Variants in CFDP1 observed in about 807,000 individuals in gnomAD.
CFDP1 encodes chromatin remodeling protein CFDP1, also known as heterochromatin-stabilizing protein CFDP1.
A neutral mutation model predicts 40.1 loss-of-function variants in CFDP1; 31 were observed. The observed-to-expected ratio is 0.77, with a 90% CI of 0.58 to 1.04. CFDP1 has a LOEUF of 1.04. CFDP1 is among the 50% of genes least tolerant of loss of function. The pLI, the probability that CFDP1 is intolerant of heterozygous loss-of-function variation, is 0.00. For synonymous variants in CFDP1, 167 were observed against 120.0 expected, an observed-to-expected ratio of 1.39 and a Z score of -2.56; for missense variants, 423 against 343.4, an observed-to-expected ratio of 1.23 and a Z score of -1.83.
intron 5 of CFDP1, among the ~76,000 whole-genome samples, chr16:75,333,288 T>A (rs529727171): frequency 3.4e-4 from 51 of 152,018 alleles, no homozygotes; most frequent in Non-Finnish European, 6.8e-4. Flanking sequence ...CACGCCTGGC[T>A]AATTTTTTGT....
At chr16:75,323,345 A>C (rs1369002444) in intron 5 of CFDP1, among the ~76,000 whole-genome samples, 2 of 151,982 alleles carry the variant, frequency 1.3e-5, no homozygotes, top group Non-Finnish European at 2.9e-5. Flanking sequence ...CTTCAAGAGC[A>C]ACGTGTCTGG....
At chr16:75,419,135 A>G (rs1368991656) in intron 1 of CFDP1, 1 of 357,862 alleles carries the variant, frequency 2.8e-6, no homozygotes, top group Non-Finnish European at 5.8e-6. Flanking sequence ...AAAAAGATCA[A>G]ATTAAAAGGA....
intron 5 of CFDP1, among the ~76,000 whole-genome samples, chr16:75,390,057 G>T (rs1425089108): frequency 6.6e-6 from 1 of 152,202 alleles, no homozygotes. Flanking sequence ...CTTGTAATGT[G>T]TTATGTTCCA....
intron 5 of CFDP1, among the ~76,000 whole-genome samples, chr16:75,349,677 A>AT (rs1367756941): frequency 3.6e-4 from 27 of 74,920 alleles, no homozygotes; most frequent in African/African-American, 7.2e-4. Flanking sequence ...AAAAAAAAAA[A>AT]AAAAAAAAAA....
chr16:75,301,437 T>C (rs1419552048), intron 6 of CFDP1, among the ~76,000 whole-genome samples: 1 of 151,080 alleles, frequency 6.6e-6, no homozygotes, highest in Non-Finnish European at 1.5e-5. Context: ...CCCAAAAACC[T>C]GCAGCCTACT....
At chr16:75,296,954 C>G (rs940340441) in intron 6 of CFDP1, among the ~76,000 whole-genome samples, 11 of 152,168 alleles carry the variant, frequency 7.2e-5, no homozygotes, top group Admixed American at 3.3e-4. Flanking sequence ...GTAGCTCTGA[C>G]ATTTAGTTTT....
At position 75,410,051 on chromosome 16, in the gene CFDP1, T is replaced by G. The variant is rs576613820; in HGVS notation, c.530+1774A>C. ...AGCCTAGGCAACACAGCAAGACCCT[T>G]TCTCAAAAAAAAAAAAAAAAAAAAA... On this transcript the variant is annotated intron_variant, in intron 4 of 6. Coordinates refer to ENST00000283882, the MANE Select transcript of CFDP1 (RefSeq NM_006324.3). 2.4e-4 allele frequency among the ~76,000 whole-genome samples: 14 copies of G among 59,566 alleles called. No individual in the cohort carries two copies. The South Asian group carries it at 0.012, about 50-fold the overall frequency. 39.1% of individuals were successfully genotyped at this position (59,566 alleles called of 152,430 possible). A position where few individuals can be genotyped will look rare whatever the true frequency, so the allele number is the denominator to read the frequency against.
At chr16:75,405,739 G>A in intron 4 of CFDP1, among the ~76,000 whole-genome samples, 1 of 129,184 alleles carries the variant, frequency 7.7e-6, no homozygotes. Flanking sequence ...GACAGAGTGA[G>A]ACTCCATCTC....
intron 5 of CFDP1, among the ~76,000 whole-genome samples, chr16:75,362,398 C>T (rs1363889132): frequency 6.6e-6 from 1 of 152,194 alleles, no homozygotes; most frequent in Non-Finnish European, 1.5e-5. Context: ...GAGGAGTCAA[C>T]CTCCCGTCTT....
intron 5 of CFDP1, among the ~76,000 whole-genome samples, chr16:75,366,516 G>A (rs1031058198): frequency 2.0e-5 from 3 of 152,180 alleles, no homozygotes; most frequent in Non-Finnish European, 4.4e-5. Flanking sequence ...CCAGCTACTG[G>A]GGAGGCTGAA....
At chr16:75,432,557 A>C (rs950728122) in intron 1 of CFDP1, among the ~76,000 whole-genome samples, 15 of 151,942 alleles carry the variant, frequency 9.9e-5, no homozygotes, top group African/African-American at 3.6e-4. Context: ...TTTAAATAAA[A>C]CAGAACAGAA....
At chr16:75,343,181 T>C (rs1032455137) in intron 5 of CFDP1, among the ~76,000 whole-genome samples, 13 of 152,196 alleles carry the variant, frequency 8.5e-5, no homozygotes, top group African/African-American at 3.1e-4. Context: ...GTCCCTGGGC[T>C]AAACTGCAAG....
intron 5 of CFDP1, among the ~76,000 whole-genome samples, chr16:75,369,502 C>T (rs2078737634): frequency 6.6e-6 from 1 of 152,280 alleles, no homozygotes; most frequent in East Asian, 1.9e-4. Flanking sequence ...CATTTAGACA[C>T]ATGGCTTCGC....
intron 5 of CFDP1, among the ~76,000 whole-genome samples, chr16:75,372,858 G>A (rs984011732): frequency 2.6e-5 from 4 of 152,136 alleles, no homozygotes; most frequent in African/African-American, 9.7e-5. Context: ...GTACATGTGA[G>A]GGAGGAGAAA....
At chr16:75,419,033 C>A in intron 1 of CFDP1, 1 of 402,458 alleles carries the variant, frequency 2.5e-6, no homozygotes, top group South Asian at 1.8e-5. Context: ...GTTCCATCTA[C>A]TGGGGAGGCT....
At chr16:75,345,555 G>A (rs77494736) in intron 5 of CFDP1, among the ~76,000 whole-genome samples, 2,348 of 152,218 alleles carry the variant, frequency 0.015, 59 homozygotes, top group African/African-American at 0.053. Context: ...AGAGGAAGGA[G>A]GACTGTTTAA....
chr16:75,345,710 G>A (rs1447743186), intron 5 of CFDP1, among the ~76,000 whole-genome samples: 1 of 152,126 alleles, frequency 6.6e-6, no homozygotes, highest in Non-Finnish European at 1.5e-5. Context: ...AAGATCATAT[G>A]TTTTTTTCAT....
At chr16:75,319,107 G>A (rs1402231476) in intron 5 of CFDP1, among the ~76,000 whole-genome samples, 6 of 151,868 alleles carry the variant, frequency 4.0e-5, no homozygotes, top group African/African-American at 7.3e-5. Context: ...GCAGTGGAGC[G>A]ATCTCGGCTC....
chr16:75,411,359 C>T (rs939083563), intron 4 of CFDP1, among the ~76,000 whole-genome samples: 1 of 152,064 alleles, frequency 6.6e-6, no homozygotes, highest in Non-Finnish European at 1.5e-5. Flanking sequence ...TGCAGGGAGC[C>T]GAGATCACGC....
Sources: gnomAD v4.1 joint callset for allele counts (sites outside exome capture counted in the v4.1 genomes callset) on GRCh38, gnomAD v4.1.1 for gene constraint, MANE v1.5 for transcripts, NCBI Gene and HGNC (gene_info 2026-07-23, HGNC 2026-07-21) for gene names.